Variants in EPHA6 observed in about 807,000 individuals in gnomAD.
EPHA6 encodes the protein ephrin type-A receptor 6.
Under a neutral mutation model 112.0 loss-of-function variants are expected in EPHA6, and 50 were observed. That is an observed-to-expected ratio of 0.45 (90% CI 0.36 to 0.56). The LOEUF is 0.56. Ranked by LOEUF, EPHA6 falls within the 20% of genes least tolerant of loss-of-function variation. The probability of loss-of-function intolerance (pLI) is 0.00; values close to 1 mark genes in which losing one functional copy is unlikely to be tolerated. For synonymous variants in EPHA6, 529 were observed against 490.7 expected, an observed-to-expected ratio of 1.08 and a Z score of -1.03; for missense variants, 1,280 against 1,417.4, an observed-to-expected ratio of 0.90 and a Z score of 1.56.
chr3:97,748,111 A>C (rs2035790695), intron 17 of EPHA6, among the ~76,000 whole-genome samples: 3 of 152,134 alleles, frequency 2.0e-5, no homozygotes, highest in African/African-American at 7.2e-5. Context: ...AATTTCATAC[A>C]GTACAACCTA....
chr3:97,143,958 T>G (rs1172922803), intron 3 of EPHA6, among the ~76,000 whole-genome samples: 2 of 151,784 alleles, frequency 1.3e-5, no homozygotes, highest in Non-Finnish European at 3.0e-5. Context: ...AATTCTCAAC[T>G]GTCTAGGGAG....
intron 2 of EPHA6, among the ~76,000 whole-genome samples, chr3:96,974,784 G>T (rs1406681980): frequency 1.3e-5 from 2 of 152,124 alleles, no homozygotes; most frequent in African/African-American, 4.8e-5. Context: ...AGAATCAGCT[G>T]TCCTTTGACA....
intron 5 of EPHA6, among the ~76,000 whole-genome samples, chr3:97,349,683 T>C (rs1323234070): frequency 4.6e-5 from 7 of 152,024 alleles, no homozygotes; most frequent in Non-Finnish European, 1.0e-4. Context: ...TCCAATTTTG[T>C]TCAGCAGCAA....
chr3:97,372,521 T>C (rs2085114089), intron 5 of EPHA6, among the ~76,000 whole-genome samples: 1 of 152,134 alleles, frequency 6.6e-6, no homozygotes, highest in Non-Finnish European at 1.5e-5. Context: ...AGCAATAATT[T>C]GAAAATGACC....
rs529536484 is a variant in EPHA6 at position 96,872,236 on chromosome 3, G to A, written c.450+5347G>A. Among the ~76,000 whole-genome samples, 37 of 152,162 alleles carry A rather than the reference G, an allele frequency of 2.4e-4. 1 individual carries two copies. The highest frequency in any genetic ancestry group is 6.3e-4 in the African/African-American group (26 of 41,546). ...GAGGAACACAATCTGCAAAGCCAGCGTTTGTTTCTTGAGACCATTCCTTTC... is the reference window on the plus strand; with the variant it reads ...GAGGAACACAATCTGCAAAGCCAGCATTTGTTTCTTGAGACCATTCCTTTC... On this transcript the variant is annotated intron_variant, in intron 2 of 17. Transcript: ENST00000389672.
chr3:97,525,329 T>G (rs866212454), intron 10 of EPHA6, among the ~76,000 whole-genome samples: 3 of 152,296 alleles, frequency 2.0e-5, no homozygotes, highest in Middle Eastern at 3.4e-3. Flanking sequence ...CACTAGGATT[T>G]CTGTTTGGTT....
chr3:97,123,823 A>G (rs1423261268), intron 3 of EPHA6, among the ~76,000 whole-genome samples: 1 of 152,100 alleles, frequency 6.6e-6, no homozygotes, highest in Non-Finnish European at 1.5e-5. Context: ...TACTTCTGCC[A>G]TAGAACTTAT....
Position 97,493,623 on chromosome 3 carries a change from C to CTGTGTGTGTGTGTGTG in EPHA6, c.2200+9568_2200+9583dup, listed in dbSNP as rs373276812. Among the ~76,000 whole-genome samples, 652 of 147,388 alleles carry CTGTGTGTGTGTGTGTG rather than the reference C, an allele frequency of 4.4e-3. 4 individuals carry two copies. Among genetic ancestry groups the CTGTGTGTGTGTGTGTG allele is most frequent in the African/African-American group, 0.015 (609 of 40,246 alleles). On this transcript the variant is annotated intron_variant, in intron 10 of 17. Coordinates refer to ENST00000389672, the MANE Select transcript of EPHA6 (RefSeq NM_001080448.3). ...TTTTGGGGGGACACAATTTAGTCCT[C>CTGTGTGTGTGTGTGTG]TGTGTGTGTGTGTGTGTGTAGTGGG...
intron 3 of EPHA6, among the ~76,000 whole-genome samples, chr3:97,040,777 G>A (rs2045284853): frequency 6.6e-6 from 1 of 152,040 alleles, no homozygotes; most frequent in African/African-American, 2.4e-5. Flanking sequence ...GTTTACCATG[G>A]AGTGAGGAAA....
At chr3:97,471,149 G>C (rs1017363794) in intron 7 of EPHA6, among the ~76,000 whole-genome samples, 1 of 151,644 alleles carries the variant, frequency 6.6e-6, no homozygotes, top group Non-Finnish European at 1.5e-5. Context: ...TTGCTTATTT[G>C]TTTCTTTAAG....
chr3:97,754,769 T>C lies in EPHA6; in HGVS notation c.*6068T>C, dbSNP rs2035984915. Among the ~76,000 whole-genome samples, 1 of 152,190 alleles carries C rather than the reference T, an allele frequency of 6.6e-6. No homozygotes were observed. ...CCTAGGCTGGAGTGCAGTGGCGAGATCTCGGCTCACTGCTAACTCCGCCTC... is the reference window on the plus strand; with the variant it reads ...CCTAGGCTGGAGTGCAGTGGCGAGACCTCGGCTCACTGCTAACTCCGCCTC... On this transcript the variant is annotated 3_prime_UTR_variant, in exon 18 of 18. Coordinates refer to ENST00000389672, the MANE Select transcript of EPHA6 (RefSeq NM_001080448.3).
intron 12 of EPHA6, among the ~76,000 whole-genome samples, chr3:97,607,179 T>G (rs2107442425): frequency 1.5e-5 from 2 of 134,594 alleles, no homozygotes; most frequent in East Asian, 2.0e-4. Context: ...AAATATTGTC[T>G]GAGGCAAAAA....
chr3:97,177,761 T>G (rs865785907), intron 3 of EPHA6, among the ~76,000 whole-genome samples: 1 of 152,034 alleles, frequency 6.6e-6, no homozygotes, highest in Non-Finnish European at 1.5e-5. Context: ...GAGATAAGTA[T>G]AGCTACTGTT....
chr3:97,306,087 C>A (rs1454678570), intron 5 of EPHA6, among the ~76,000 whole-genome samples: 1 of 151,670 alleles, frequency 6.6e-6, no homozygotes, highest in African/African-American at 2.4e-5. Context: ...TCCCTAAAAT[C>A]TGAAAAGGTT....
chr3:97,433,670 T>A (rs1370061332), intron 6 of EPHA6, among the ~76,000 whole-genome samples: 1 of 152,102 alleles, frequency 6.6e-6, no homozygotes, highest in Admixed American at 6.6e-5. Flanking sequence ...AAAATGTATA[T>A]CAAATATATC....
At chr3:96,932,246 C>G (rs892420040) in intron 2 of EPHA6, among the ~76,000 whole-genome samples, 1 of 152,144 alleles carries the variant, frequency 6.6e-6, no homozygotes, top group African/African-American at 2.4e-5. Flanking sequence ...ATTCATTCAC[C>G]CCTTTCATTC....
chr3:96,999,072 C>A (rs562037846), intron 3 of EPHA6, among the ~76,000 whole-genome samples: 20 of 151,998 alleles, frequency 1.3e-4, no homozygotes, highest in Admixed American at 5.9e-4. Context: ...TTTAAGGTCC[C>A]ATTCTAATTG....
intron 6 of EPHA6, among the ~76,000 whole-genome samples, chr3:97,411,446 A>T (rs914549333): frequency 2.6e-5 from 4 of 152,056 alleles, no homozygotes; most frequent in Non-Finnish European, 5.9e-5. Flanking sequence ...TGCTAACTAT[A>T]CCTCTAAAGT....
intron 3 of EPHA6, among the ~76,000 whole-genome samples, chr3:97,016,952 G>A (rs909382619): frequency 6.6e-6 from 1 of 152,132 alleles, no homozygotes; most frequent in African/African-American, 2.4e-5. Flanking sequence ...ACCACTAGTT[G>A]TTTATCCATT....
Sources: allele counts gnomAD v4.1 joint callset (sites outside exome capture counted in the v4.1 genomes callset), GRCh38; gene constraint gnomAD v4.1.1; transcripts MANE v1.5; gene names NCBI Gene and HGNC (gene_info 2026-07-23, HGNC 2026-07-21).